PXT1: variants seen among roughly 807,000 people sequenced by gnomAD.
PXT1 encodes the protein peroxisomal testis enriched protein 1.
In PXT1, 11 loss-of-function variants were observed where a neutral mutation model predicts 11.0. The ratio of observed to expected loss-of-function variants is 1.00; its 90% CI spans 0.63 to 1.66. The LOEUF is 1.66. Among genes scored for constraint, PXT1 ranks in the 40% most tolerant of loss-of-function variants. The probability of loss-of-function intolerance (pLI) is 0.00; values close to 1 mark genes in which losing one functional copy is unlikely to be tolerated. For missense variants in PXT1, 141 were observed against 155.5 expected (o/e 0.91, Z 0.49); for synonymous variants, 43 against 51.4 (o/e 0.84, Z 0.70).
intron 4 of PXT1, among the ~76,000 whole-genome samples, chr6:36,394,117 C>T (rs2127409115): frequency 6.6e-6 from 1 of 152,322 alleles, no homozygotes; most frequent in Middle Eastern, 3.4e-3. Context: ...TCGATATCAG[C>T]TAGGAAAACG....
At chr6:36,412,842 A>T (rs1774393557) in intron 3 of PXT1, among the ~76,000 whole-genome samples, 1 of 152,082 alleles carries the variant, frequency 6.6e-6, no homozygotes, top group African/African-American at 2.4e-5. Context: ...CTAGAACAAA[A>T]TCTTTCAGAT....
chr6:36,391,907 T>C (rs375272428), intron 4 of PXT1, 33 bp from the exon 5 acceptor site: 5 of 997,644 alleles, frequency 5.0e-6, no homozygotes, highest in Non-Finnish European at 6.6e-6. Context: ...AGAGAAAGGT[T>C]TTTTTTTTTT....
chr6:36,420,406 T>C, intron 3 of PXT1, among the ~76,000 whole-genome samples: 1 of 152,208 alleles, frequency 6.6e-6, no homozygotes, highest in East Asian at 1.9e-4. Flanking sequence ...TCATATTAAG[T>C]GACAAAGCAA....
rs549642529 is a variant in PXT1 at position 36,418,534 on chromosome 6, C to A, written c.169+7380G>T. ...GTACTAGTTGATTTGTTTCCATGAACCTGAGTTGCTTTGATTTAAAAAAAA... is the reference window on the plus strand; with the variant it reads ...GTACTAGTTGATTTGTTTCCATGAAACTGAGTTGCTTTGATTTAAAAAAAA... On this transcript the variant is annotated intron_variant, in intron 3 of 4. Coordinates refer to ENST00000454782, the MANE Select transcript of PXT1 (RefSeq NM_152990.4). 7.2e-5 allele frequency among the ~76,000 whole-genome samples: 11 copies of A among 152,242 alleles called. No individual in the cohort carries two copies. The South Asian group carries it at 2.1e-3, about 29-fold the overall frequency.
intron 1 of PXT1, among the ~76,000 whole-genome samples, chr6:36,440,438 C>T (rs1774838520): frequency 6.6e-6 from 1 of 151,846 alleles, no homozygotes; most frequent in Admixed American, 6.6e-5. Context: ...GGCACAGTGG[C>T]GGGCGCCTGT....
intron 4 of PXT1, among the ~76,000 whole-genome samples, chr6:36,396,606 G>A (rs1167888562): frequency 1.3e-5 from 2 of 152,212 alleles, no homozygotes; most frequent in Non-Finnish European, 2.9e-5. Context: ...AAAGGCTGGG[G>A]GCTAGGCTGC....
chr6:36,423,437 T>C (rs1319382642), intron 3 of PXT1, among the ~76,000 whole-genome samples: 1 of 152,144 alleles, frequency 6.6e-6, no homozygotes, highest in African/African-American at 2.4e-5. Context: ...GGTTAGGCGA[T>C]AGAGGTCACG....
intron 3 of PXT1, among the ~76,000 whole-genome samples, chr6:36,409,869 A>AAGGAG: frequency 5.8e-5 from 5 of 86,518 alleles, no homozygotes; most frequent in East Asian, 3.7e-4. Flanking sequence ...AAGGAGAAAG[A>AAGGAG]AAAGAAAAGA....
At chr6:36,425,805 A>ACAAACAAACAAAAAAAAAAATAT (rs763685304) in intron 3 of PXT1, 109 bp downstream of exon 3, 33 of 335,666 alleles carry the variant, frequency 9.8e-5, no homozygotes, top group African/African-American at 7.5e-4. Context: ...AAAAACAAAA[A>ACAAACAAACAAAAAAAAAAATAT]ATATATATAT....
chr6:36,423,828 G>A (rs522179), intron 3 of PXT1, among the ~76,000 whole-genome samples: 64,830 of 151,976 alleles, frequency 0.43, 15,209 homozygotes, highest in African/African-American at 0.6. Context: ...TTTGGCAGGC[G>A]TTGAAAGCAC....
At chr6:36,410,534 G>A (rs765015552) in intron 3 of PXT1, among the ~76,000 whole-genome samples, 25 of 150,952 alleles carry the variant, frequency 1.7e-4, no homozygotes, top group Non-Finnish European at 3.4e-4. Context: ...GAAGGGAGAA[G>A]GGAGGGAAAG....
chr6:36,435,702 A>T (rs899872197), intron 2 of PXT1, among the ~76,000 whole-genome samples: 1 of 152,234 alleles, frequency 6.6e-6, no homozygotes, highest in African/African-American at 2.4e-5. Context: ...GGAATTCATC[A>T]ATGATAAACA....
intron 3 of PXT1, among the ~76,000 whole-genome samples, chr6:36,401,694 T>G (rs1441585238): frequency 3.3e-5 from 5 of 151,624 alleles, no homozygotes; most frequent in Non-Finnish European, 7.4e-5. Context: ...ATTAAATCAA[T>G]GATCAGTTTT....
chr6:36,436,045 C>T (rs181193969), intron 2 of PXT1, among the ~76,000 whole-genome samples: 3 of 123,166 alleles, frequency 2.4e-5, no homozygotes, highest in African/African-American at 9.3e-5. Flanking sequence ...AACTGCTTAA[C>T]AATGATTGGT....
rs2395651 is a variant in PXT1 at position 36,401,734 on chromosome 6, A to G, written c.170-1150T>C. The stretch of plus-strand genomic sequence containing the variant: ...TTTAAATTAATTAAAATTAATTAAA[A>G]CTTAAAATTCAGTTCCTCAATTGCA... On this transcript the variant is annotated intron_variant, in intron 3 of 4. Coordinates refer to ENST00000454782, the MANE Select transcript of PXT1 (RefSeq NM_152990.4). Among the ~76,000 whole-genome samples the G allele has an allele frequency of 8.2e-3, 1,246 of 151,882 alleles. 14 individuals carry two copies. Among genetic ancestry groups the G allele is most frequent in the African/African-American group, 0.029 (1,190 of 41,452 alleles).
chr6:36,413,834 C>T (rs1168869753), intron 3 of PXT1, among the ~76,000 whole-genome samples: 2 of 151,816 alleles, frequency 1.3e-5, no homozygotes, highest in East Asian at 3.9e-4. Flanking sequence ...CCCATCTGTA[C>T]AAAAAAATTT....
At chr6:36,402,676 G>T (rs899677318) in intron 3 of PXT1, among the ~76,000 whole-genome samples, 3 of 152,224 alleles carry the variant, frequency 2.0e-5, no homozygotes, top group African/African-American at 4.8e-5. Flanking sequence ...AGGATCAAGT[G>T]AGCAAAAGCT....
chr6:36,429,503 C>CTTTTTTTTTTTT (rs1774658180), intron 2 of PXT1, among the ~76,000 whole-genome samples: 2 of 104,252 alleles, frequency 1.9e-5, no homozygotes, highest in Admixed American at 1.1e-4. Context: ...TTCTTTTTTT[C>CTTTTTTTTTTTT]TTTTCTTTTT....
chr6:36,395,901 G>T (rs1468295023), intron 4 of PXT1, among the ~76,000 whole-genome samples: 2 of 152,080 alleles, frequency 1.3e-5, no homozygotes, highest in Non-Finnish European at 2.9e-5. Context: ...TACTCTGGAG[G>T]CCTACGTGGG....
Sources: allele counts gnomAD v4.1 joint callset (sites outside exome capture counted in the v4.1 genomes callset), GRCh38; gene constraint gnomAD v4.1.1; transcripts MANE v1.5; gene names NCBI Gene and HGNC (gene_info 2026-07-23, HGNC 2026-07-21).